Variants in HRH1 observed in about 807,000 individuals in gnomAD.
HRH1 encodes histamine H1 receptor.
HRH1 carries 6 observed loss-of-function variants against 10.3 expected under a neutral mutation model. The observed-to-expected ratio is 0.58, with a 90% CI of 0.32 to 1.15. The LOEUF (loss-of-function observed/expected upper bound fraction) is 1.15. Among genes scored for constraint, HRH1 ranks in the 50% most tolerant of loss-of-function variants. The probability of loss-of-function intolerance (pLI) is 0.05; values close to 1 mark genes in which losing one functional copy is unlikely to be tolerated. For missense variants in HRH1, 514 were observed against 615.3 expected, an observed-to-expected ratio of 0.84 and a Z score of 1.74; for synonymous variants, 242 against 236.7, an observed-to-expected ratio of 1.02 and a Z score of -0.21.
In HRH1 at chr3:11,198,758, G is replaced by A. The variant is rs79207410; in HGVS notation, c.-36+44204G>A. Among the ~76,000 whole-genome samples, 690 of 150,640 alleles carry A rather than the reference G, an allele frequency of 4.6e-3. 18 individuals carry two copies. In the East Asian group the frequency reaches 0.068, roughly 15 times the overall value. ...TCTGAAAAAAAAAAAAAAAATGGGC[G>A]GACTGTTTGAGCTGATAATCTTCAT... is the stretch of plus-strand genomic sequence containing the variant. On this transcript the variant is annotated intron_variant, in intron 1 of 1. Coordinates refer to ENST00000431010, the MANE Select transcript of HRH1 (RefSeq NM_001098212.2).
chr3:11,195,173 A>G (rs918452226), intron 1 of HRH1, among the ~76,000 whole-genome samples: 4 of 152,252 alleles, frequency 2.6e-5, no homozygotes, highest in African/African-American at 7.2e-5. Flanking sequence ...CCTTTTAAGC[A>G]GTATCTCTCA....
intron 1 of HRH1, among the ~76,000 whole-genome samples, chr3:11,181,627 CTTTT>C (rs35710248): frequency 8.8e-6 from 1 of 113,172 alleles, no homozygotes; most frequent in South Asian, 2.9e-4. Context: ...ATCCCTTGCT[CTTTT>C]TTTTTTTTTT....
At chr3:11,158,154 T>G (rs1309301275) in intron 1 of HRH1, among the ~76,000 whole-genome samples, 2 of 152,226 alleles carry the variant, frequency 1.3e-5, no homozygotes, top group Non-Finnish European at 2.9e-5. Context: ...GAGGTCTGAA[T>G]GAAGAAATGT....
At chr3:11,216,055 G>A (rs1329494720) in intron 1 of HRH1, among the ~76,000 whole-genome samples, 1 of 152,144 alleles carries the variant, frequency 6.6e-6, no homozygotes, top group Non-Finnish European at 1.5e-5. Context: ...GTAGTTCCCA[G>A]TTTGGGACTA....
Position 11,179,287 on chromosome 3 carries a change from TA to T in HRH1, c.-36+24740del, listed in dbSNP as rs1017673934. ...TGGGCTACAGAGCGAAACTTCATCT[TA>T]AAAAAATAAATAAATAAAATTTAAA... On this transcript the variant is annotated intron_variant, in intron 1 of 1. Transcript: ENST00000431010. Among the ~76,000 whole-genome samples the T allele has an allele frequency of 6.4e-4, 90 of 140,458 alleles. 1 individual carries two copies. Among genetic ancestry groups the T allele is most frequent in the Middle Eastern group, 4.5e-3 (1 of 220 alleles). The allele number at this position is 140,458 out of a possible 152,430, so 92.1% of individuals were successfully genotyped here.
intron 1 of HRH1, among the ~76,000 whole-genome samples, chr3:11,242,076 A>G (rs1939358776): frequency 6.6e-6 from 1 of 152,348 alleles, no homozygotes; most frequent in South Asian, 2.1e-4. Context: ...TAGTCACCCC[A>G]GCCAGCAGAG....
chr3:11,205,731 G>A (rs376055056), intron 1 of HRH1, among the ~76,000 whole-genome samples: 2 of 150,358 alleles, frequency 1.3e-5, no homozygotes, highest in Non-Finnish European at 2.9e-5. Context: ...GCACTATCTC[G>A]GCTCACTGTA....
chr3:11,230,386 G>A (rs1939007753), intron 1 of HRH1, among the ~76,000 whole-genome samples: 1 of 152,220 alleles, frequency 6.6e-6, no homozygotes, highest in Non-Finnish European at 1.5e-5. Context: ...CACCAGGGGA[G>A]CTATTAAAAA....
At chr3:11,189,966 T>C (rs1220684642) in intron 1 of HRH1, among the ~76,000 whole-genome samples, 1 of 151,586 alleles carries the variant, frequency 6.6e-6, no homozygotes, top group East Asian at 1.9e-4. Context: ...AGAAAAATGG[T>C]CACTAAAAGA....
chr3:11,199,897 G>C (rs1358120813), intron 1 of HRH1, among the ~76,000 whole-genome samples: 1 of 152,162 alleles, frequency 6.6e-6, no homozygotes, highest in Non-Finnish European at 1.5e-5. Context: ...GCTTCATCTT[G>C]TTCAGGTAAC....
intron 1 of HRH1, among the ~76,000 whole-genome samples, chr3:11,222,864 T>G (rs1241690643): frequency 2.0e-5 from 3 of 152,114 alleles, no homozygotes; most frequent in Non-Finnish European, 2.9e-5. Flanking sequence ...GGTAAAGGAT[T>G]TTCTCTTTTC....
At chr3:11,244,491 C>T (rs912657241) in intron 1 of HRH1, among the ~76,000 whole-genome samples, 2 of 152,172 alleles carry the variant, frequency 1.3e-5, no homozygotes, top group African/African-American at 2.4e-5. Context: ...CTGAATGGGC[C>T]AGGTACAGGA....
intron 1 of HRH1, among the ~76,000 whole-genome samples, chr3:11,170,410 A>G (rs1559259065): frequency 6.6e-6 from 1 of 152,188 alleles, no homozygotes; most frequent in East Asian, 1.9e-4. Context: ...CCACATGTTT[A>G]TTTGTGCACC....
chr3:11,242,129 C>G (rs771125560), intron 1 of HRH1, among the ~76,000 whole-genome samples: 17 of 152,146 alleles, frequency 1.1e-4, no homozygotes, highest in Admixed American at 1.3e-4. Context: ...AAGGTTTCTT[C>G]TTTTGCTCTT....
Position 11,262,524 on chromosome 3 carries a change from T to C in HRH1, c.*2023T>C, listed in dbSNP as rs1939982377. ...AAAACGGGGGGAGTTTAGGAGACTT[T>C]AATCCCGGTTTCAGAAGCTGCAGCT... On this transcript the variant is annotated 3_prime_UTR_variant, in exon 2 of 2. Coordinates refer to ENST00000431010, the MANE Select transcript of HRH1 (RefSeq NM_001098212.2). 6.0e-6 allele frequency: 1 copy of C among 167,104 alleles called. No individual in the cohort carries two copies. Among genetic ancestry groups the C allele is most frequent in the Non-Finnish European group, 1.5e-5 (1 of 68,128 alleles). The allele number at this position is 167,104 out of a possible 1,614,324, so 10.4% of individuals were successfully genotyped here. A position where few individuals can be genotyped will look rare whatever the true frequency, so the allele number is the denominator to read the frequency against.
intron 1 of HRH1, among the ~76,000 whole-genome samples, chr3:11,183,553 T>C (rs1469299556): frequency 1.3e-5 from 2 of 152,136 alleles, no homozygotes; most frequent in African/African-American, 4.8e-5. Flanking sequence ...AATCCTGCTC[T>C]AGGCAAACAC....
chr3:11,236,046 A>T (rs1241221475), intron 1 of HRH1, among the ~76,000 whole-genome samples: 1 of 152,216 alleles, frequency 6.6e-6, no homozygotes, highest in Non-Finnish European at 1.5e-5. Context: ...CACCTGTCAG[A>T]GTCTTCTTGT....
intron 1 of HRH1, among the ~76,000 whole-genome samples, chr3:11,241,641 G>A (rs1939339933): frequency 6.6e-6 from 1 of 151,490 alleles, no homozygotes. Context: ...AAACCATCCT[G>A]GCTAACACAG....
chr3:11,187,860 G>C (rs994447180), intron 1 of HRH1, among the ~76,000 whole-genome samples: 9 of 152,176 alleles, frequency 5.9e-5, no homozygotes, highest in Non-Finnish European at 1.2e-4. Flanking sequence ...GTAGCCTCCA[G>C]TTGTAATGGT....
Sources: allele counts gnomAD v4.1 joint callset (sites outside exome capture counted in the v4.1 genomes callset), GRCh38; gene constraint gnomAD v4.1.1; transcripts MANE v1.5; gene names NCBI Gene and HGNC (gene_info 2026-07-23, HGNC 2026-07-21).